Variants in CDH2 observed in about 807,000 individuals in gnomAD.
The protein encoded by CDH2 is cadherin 2.
CDH2 carries 17 observed loss-of-function variants against 92.0 expected under a neutral mutation model. The ratio of observed to expected loss-of-function variants is 0.18; its 90% CI spans 0.13 to 0.28. CDH2 has a LOEUF of 0.28. CDH2 is among the 10% of genes least tolerant of loss of function. The probability of loss-of-function intolerance (pLI) is 1.00; values close to 1 mark genes in which losing one functional copy is unlikely to be tolerated. For missense variants in CDH2, 862 were observed against 1,133.1 expected (o/e 0.76, Z 3.44); for synonymous variants, 419 against 415.9 (o/e 1.01, Z -0.09).
At chr18:28,133,276 A>G (rs1178851872) in intron 2 of CDH2, among the ~76,000 whole-genome samples, 1 of 152,286 alleles carries the variant, frequency 6.6e-6, no homozygotes, top group East Asian at 1.9e-4. Flanking sequence ...TAAAAACTAA[A>G]GAAAATTTAT....
At chr18:28,163,213 T>A (rs933312498) in intron 1 of CDH2, among the ~76,000 whole-genome samples, 3 of 152,248 alleles carry the variant, frequency 2.0e-5, no homozygotes, top group Non-Finnish European at 4.4e-5. Context: ...TTTTTTTAAA[T>A]GTTGAGGTTT....
intron 2 of CDH2, among the ~76,000 whole-genome samples, chr18:28,089,352 TA>T (rs1459566554): frequency 6.6e-6 from 1 of 152,166 alleles, no homozygotes; most frequent in Non-Finnish European, 1.5e-5. Context: ...CAAACAACAA[TA>T]TTCAGTCACA....
chr18:27,960,391 G>T (rs1406595550), intron 15 of CDH2, among the ~76,000 whole-genome samples: 1 of 152,156 alleles, frequency 6.6e-6, no homozygotes, highest in South Asian at 2.1e-4. Context: ...TCTTGTAGAT[G>T]GGCACCAGCA....
chr18:28,011,869 G>T lies in CDH2; in HGVS notation c.523C>A (p.Pro175Thr). The change falls in exon 4 of 16, where the codon CCT (proline) becomes ACT (threonine). Residue 175 changes from proline (P) to threonine (T), a missense_variant. Physicochemically the swap from Pro to Thr is conservative, Grantham distance 38. This residue lies in a region of CDH2 where 21 missense variants were observed against 61.8 expected (regional missense o/e 0.34). Coordinates refer to ENST00000269141, the MANE Select transcript of CDH2 (RefSeq NM_001792.5). ...PINLPENSRGPFPQELVRIRS... is the reference protein window; with the variant it reads ...PINLPENSRGTFPQELVRIRS... ...ACCCTGACAAGCTCTTGAGGAAAAGGTCCCCTGGAGTTTTCTGGCAAGTTG... is the reference window on the plus strand; with the variant it reads ...ACCCTGACAAGCTCTTGAGGAAAAGTTCCCCTGGAGTTTTCTGGCAAGTTG... 1 of 1,614,046 alleles carries T rather than the reference G, an allele frequency of 6.2e-7. No individual in the cohort carries two copies. The highest frequency in any genetic ancestry group is 1.1e-5 in the South Asian group (1 of 91,078).
intron 4 of CDH2, 29 bp downstream of exon 4, chr18:28,011,817 T>C (rs2013108699): frequency 6.2e-7 from 1 of 1,606,812 alleles, no homozygotes; most frequent in African/African-American, 1.3e-5. Flanking sequence ...TCTTGTGGTA[T>C]GAAAACAGTT....
intron 1 of CDH2, among the ~76,000 whole-genome samples, chr18:28,163,134 A>G (rs1207734478): frequency 7.2e-5 from 11 of 152,222 alleles, no homozygotes; most frequent in Admixed American, 7.2e-4. Flanking sequence ...AAATACATAG[A>G]AAAACTCTCA....
At position 28,150,159 on chromosome 18, in the gene CDH2, C is replaced by T. The variant is rs952323155; in HGVS notation, c.61-2375G>A. Among the ~76,000 whole-genome samples, 23 of 152,356 alleles carry T rather than the reference C, an allele frequency of 1.5e-4. No homozygotes were observed. The South Asian group carries it at 2.7e-3, about 18-fold the overall frequency. On this transcript the variant is annotated intron_variant, in intron 1 of 15. Coordinates refer to ENST00000269141, the MANE Select transcript of CDH2 (RefSeq NM_001792.5). Reference sequence around the variant, plus strand: ...CCAACATGTTACGAGTCTGCCTCTTCACCCTTCTAGTCCAGGCTTCTAAGA... The same window carrying T: ...CCAACATGTTACGAGTCTGCCTCTTTACCCTTCTAGTCCAGGCTTCTAAGA...
chr18:28,048,430 A>T (rs2014123830), intron 2 of CDH2, among the ~76,000 whole-genome samples: 1 of 152,202 alleles, frequency 6.6e-6, no homozygotes, highest in Admixed American at 6.5e-5. Flanking sequence ...AAATGTGTAT[A>T]CAGAAACAAC....
intron 2 of CDH2, among the ~76,000 whole-genome samples, chr18:28,057,621 C>T (rs2014318662): frequency 6.6e-6 from 1 of 150,818 alleles, no homozygotes; most frequent in South Asian, 2.1e-4. Context: ...GAGCCAAGAT[C>T]ATGCTGCCGC....
At chr18:28,163,972 AG>A (rs1444086125) in intron 1 of CDH2, among the ~76,000 whole-genome samples, 2 of 152,180 alleles carry the variant, frequency 1.3e-5, no homozygotes, top group African/African-American at 4.8e-5. Flanking sequence ...CCAAGGAAGT[AG>A]GAATATTCTG....
chr18:27,945,244 AAG>A (rs1224683381), intron 6 of CDH2, among the ~76,000 whole-genome samples: 1 of 152,062 alleles, frequency 6.6e-6, no homozygotes. Context: ...CATGAAAAAA[AAG>A]AGAAGTGCTC....
rs1003111132 is a variant in CDH2 at position 28,177,091 on chromosome 18, G to T, written c.-69C>A. On this transcript the variant is annotated 5_prime_UTR_variant, in exon 1 of 16. Coordinates refer to ENST00000269141, the MANE Select transcript of CDH2 (RefSeq NM_001792.5). ...CGGCGGCGGCGGCGGCGGAGGAGGA[G>T]GAGGCAGCGGCAGCACCAACAGCGG... 1 of 1,245,356 alleles carries T rather than the reference G, an allele frequency of 8.0e-7. No individual in the cohort carries two copies. Among genetic ancestry groups the T allele is most frequent in the Non-Finnish European group, 1.1e-6 (1 of 908,842 alleles). The allele number at this position is 1,245,356 out of a possible 1,614,324, so 77.1% of individuals were successfully genotyped here.
At chr18:28,053,560 G>C (rs1285442227) in intron 2 of CDH2, among the ~76,000 whole-genome samples, 1 of 152,130 alleles carries the variant, frequency 6.6e-6, no homozygotes, top group East Asian at 1.9e-4. Flanking sequence ...CAGCAGCTGA[G>C]CTTTAGCTAG....
chr18:28,154,113 T>C (rs1476182049), intron 1 of CDH2, among the ~76,000 whole-genome samples: 3 of 152,236 alleles, frequency 2.0e-5, no homozygotes, highest in Non-Finnish European at 4.4e-5. Context: ...AGCTACCTTT[T>C]GACCCTAGTC....
chr18:28,095,453 A>G (rs1278454198), intron 2 of CDH2, among the ~76,000 whole-genome samples: 1 of 152,126 alleles, frequency 6.6e-6, no homozygotes, highest in Non-Finnish European at 1.5e-5. Context: ...AAGTTGAAAA[A>G]AAAAGAATCT....
intron 2 of CDH2, among the ~76,000 whole-genome samples, chr18:28,118,214 C>A (rs751582196): frequency 3.3e-5 from 5 of 151,644 alleles, no homozygotes; most frequent in Non-Finnish European, 7.4e-5. Context: ...GTTAAAGAAC[C>A]GAGAGCAGTT....
chr18:28,155,581 T>C (rs2016195755), intron 1 of CDH2, among the ~76,000 whole-genome samples: 1 of 152,130 alleles, frequency 6.6e-6, no homozygotes, highest in Non-Finnish European at 1.5e-5. Context: ...GGTTGGGGGA[T>C]GGAGCCGCAG....
intron 2 of CDH2, among the ~76,000 whole-genome samples, chr18:28,134,156 A>G (rs2015823132): frequency 7.5e-6 from 1 of 132,932 alleles, no homozygotes; most frequent in Admixed American, 7.6e-5. Context: ...AAAAAAAAAA[A>G]AGACTTGGGA....
intron 2 of CDH2, among the ~76,000 whole-genome samples, chr18:28,017,563 C>G (rs1422859105): frequency 2.0e-5 from 3 of 152,082 alleles, no homozygotes; most frequent in Admixed American, 2.0e-4. Flanking sequence ...AAATAACCAG[C>G]TTTTTGTTTC....
Sources: allele counts gnomAD v4.1 joint callset (sites outside exome capture counted in the v4.1 genomes callset), GRCh38; gene constraint gnomAD v4.1.1; regional missense constraint gnomAD v4.1.1; transcripts MANE v1.5; gene names NCBI Gene and HGNC (gene_info 2026-07-23, HGNC 2026-07-21).